Variants in GTF2I observed in about 807,000 individuals in gnomAD.
The protein encoded by GTF2I is general transcription factor IIi, also known as general transcription factor II-I.
GTF2I carries 12 observed loss-of-function variants against 67.6 expected under a neutral mutation model. That is an observed-to-expected ratio of 0.18 (90% confidence interval 0.11 to 0.29). GTF2I has a LOEUF of 0.29. Among genes scored for constraint, GTF2I ranks in the 10% least tolerant of loss-of-function variants. The pLI, the probability that GTF2I is intolerant of heterozygous loss-of-function variation, is 1.00. For synonymous variants in GTF2I, 149 were observed against 197.0 expected, an observed-to-expected ratio of 0.76 and a Z score of 2.04; for missense variants, 271 against 580.1, an observed-to-expected ratio of 0.47 and a Z score of 5.47.
At chr7:74,685,780 A>G (rs1466247731) in intron 1 of GTF2I, among the ~76,000 whole-genome samples, 1 of 152,054 alleles carries the variant, frequency 6.6e-6, no homozygotes, top group Non-Finnish European at 1.5e-5. Context: ...AAAAGAAAAA[A>G]AAAAGTCCGG....
At chr7:74,717,760 T>C (rs1554403892) in intron 11 of GTF2I, among the ~76,000 whole-genome samples, 1 of 152,240 alleles carries the variant, frequency 6.6e-6, no homozygotes, top group Non-Finnish European at 1.5e-5. Flanking sequence ...ATTTGTTTGA[T>C]CTTTTACCTT....
chr7:74,724,111 A>C (rs1354332858), intron 12 of GTF2I, among the ~76,000 whole-genome samples: 2 of 152,172 alleles, frequency 1.3e-5, no homozygotes, highest in Admixed American at 6.5e-5. Context: ...TTAGGTTAGC[A>C]CTTGAACACT....
At chr7:74,693,832 A>G (rs1243341659) in intron 3 of GTF2I, among the ~76,000 whole-genome samples, 5 of 152,118 alleles carry the variant, frequency 3.3e-5, no homozygotes, top group Admixed American at 1.3e-4. Flanking sequence ...GCGAAAGAGC[A>G]AGACTCCGTC....
intron 1 of GTF2I, among the ~76,000 whole-genome samples, chr7:74,661,265 A>G (rs1804464112): frequency 6.6e-6 from 1 of 152,146 alleles, no homozygotes; most frequent in Admixed American, 6.6e-5. Flanking sequence ...TTGCATTTCG[A>G]TTAGCTCCCC....
chr7:74,713,778 C>T (rs1362436993), intron 9 of GTF2I, among the ~76,000 whole-genome samples: 8 of 152,104 alleles, frequency 5.3e-5, no homozygotes, highest in African/African-American at 1.9e-4. Flanking sequence ...ATTTTTAAAT[C>T]CTGTAAATAG....
intron 1 of GTF2I, among the ~76,000 whole-genome samples, chr7:74,680,116 ATGTATG>A (rs1243144884): frequency 9.9e-6 from 1 of 101,186 alleles, no homozygotes; most frequent in Non-Finnish European, 1.8e-5. Flanking sequence ...ATATATATAT[ATGTATG>A]TATGTATGTA....
chr7:74,674,643 A>G (rs1466205859), intron 1 of GTF2I, among the ~76,000 whole-genome samples: 2 of 151,682 alleles, frequency 1.3e-5, no homozygotes, highest in African/African-American at 4.8e-5. Context: ...GTTTCAAGCA[A>G]TTCTCCTGCC....
chr7:74,709,610 A>G (rs1791247448), intron 8 of GTF2I, among the ~76,000 whole-genome samples: 1 of 151,918 alleles, frequency 6.6e-6, no homozygotes, highest in African/African-American at 2.4e-5. Context: ...TTATTCCTGA[A>G]GGGTCTGAAT....
chr7:74,689,258 T>G (rs781990698), intron 2 of GTF2I, 31 bp downstream of exon 2: 1 of 1,168,616 alleles, frequency 8.6e-7, no homozygotes, highest in East Asian at 2.3e-5. Flanking sequence ...ATTCCATAGT[T>G]GGGTAGGCCT....
intron 1 of GTF2I, among the ~76,000 whole-genome samples, chr7:74,668,938 G>A (rs2131207100): frequency 6.6e-6 from 1 of 152,006 alleles, no homozygotes; most frequent in South Asian, 2.1e-4. Flanking sequence ...ATCTCGCTGT[G>A]TTGCCCAGGC....
chr7:74,713,148 G>A lies in GTF2I; in HGVS notation c.764-1709G>A, dbSNP rs1417037063. On this transcript the variant is annotated intron_variant, in intron 9 of 34. Coordinates refer to ENST00000573035, the MANE Select transcript of GTF2I (RefSeq NM_032999.4). The stretch of plus-strand genomic sequence containing the variant: ...AAATAATTTGAAAGTATAGTGATAC[G>A]TGAAGGTATTTTGAGTAAATACCAA... Among the ~76,000 whole-genome samples the A allele has an allele frequency of 7.4e-5, 11 of 147,664 alleles. 1 individual carries two copies. Among genetic ancestry groups the A allele is most frequent in the African/African-American group, 2.7e-4 (11 of 40,778 alleles).
chr7:74,675,448 A>G (rs1460402108), intron 1 of GTF2I, among the ~76,000 whole-genome samples: 1 of 152,126 alleles, frequency 6.6e-6, no homozygotes, highest in Non-Finnish European at 1.5e-5. Flanking sequence ...TATTTTTAAA[A>G]GAAGAAAAGT....
At chr7:74,737,344 G>A (rs1210386707) in intron 18 of GTF2I, among the ~76,000 whole-genome samples, 1 of 146,674 alleles carries the variant, frequency 6.8e-6, no homozygotes, top group Non-Finnish European at 1.5e-5. Flanking sequence ...ATGAGTAGGG[G>A]GAGGAGGTGG....
intron 3 of GTF2I, among the ~76,000 whole-genome samples, chr7:74,691,654 G>C (rs1554397075): frequency 6.6e-6 from 1 of 152,222 alleles, no homozygotes; most frequent in East Asian, 1.9e-4. Context: ...GGTAGTGTTT[G>C]TTGTACGGTG....
intron 1 of GTF2I, among the ~76,000 whole-genome samples, chr7:74,664,211 C>G (rs142103862): frequency 6.6e-6 from 1 of 152,224 alleles, no homozygotes; most frequent in Non-Finnish European, 1.5e-5. Flanking sequence ...CTTGCCCTGT[C>G]GTCCTTTACT....
At chr7:74,692,652 T>C in intron 3 of GTF2I, among the ~76,000 whole-genome samples, 1 of 152,244 alleles carries the variant, frequency 6.6e-6, no homozygotes. Flanking sequence ...CTGTAGGTTT[T>C]ATGTTAACTG....
intron 6 of GTF2I, among the ~76,000 whole-genome samples, chr7:74,703,007 G>A (rs1409794953): frequency 3.9e-5 from 6 of 152,050 alleles, no homozygotes; most frequent in Non-Finnish European, 8.8e-5. Context: ...AAAGTGCTGG[G>A]ATTACAGGCT....
At chr7:74,722,513 G>C (rs1793157133) in intron 12 of GTF2I, among the ~76,000 whole-genome samples, 1 of 152,090 alleles carries the variant, frequency 6.6e-6, no homozygotes, top group Admixed American at 6.6e-5. Flanking sequence ...TTCTCTCTTA[G>C]GGCCTAGCTT....
chr7:74,687,996 C>T (rs1459239334), intron 1 of GTF2I, among the ~76,000 whole-genome samples: 1 of 152,080 alleles, frequency 6.6e-6, no homozygotes, highest in Non-Finnish European at 1.5e-5. Context: ...TTTAGTGTTT[C>T]AGTTTTAGAA....
Sources: allele counts gnomAD v4.1 joint callset (sites outside exome capture counted in the v4.1 genomes callset), GRCh38; gene constraint gnomAD v4.1.1; transcripts MANE v1.5; gene names NCBI Gene and HGNC (gene_info 2026-07-23, HGNC 2026-07-21).